ZNF512: variants seen among roughly 807,000 people sequenced by gnomAD.
ZNF512 encodes zinc finger protein 512.
Under a neutral mutation model 77.5 loss-of-function variants are expected in ZNF512, and 25 were observed. The ratio of observed to expected loss-of-function variants is 0.32; its 90% confidence interval spans 0.23 to 0.45. ZNF512 has a LOEUF of 0.45. Ranked by LOEUF, ZNF512 falls within the 20% of genes least tolerant of loss-of-function variation. The pLI is 1.00. For synonymous variants in ZNF512, 246 were observed against 239.9 expected, an observed-to-expected ratio of 1.03 and a Z score of -0.24; for missense variants, 483 against 692.6, an observed-to-expected ratio of 0.70 and a Z score of 3.40.
chr2:27,612,631 G>A (rs1024274365), intron 10 of ZNF512, among the ~76,000 whole-genome samples: 1 of 152,010 alleles, frequency 6.6e-6, no homozygotes, highest in African/African-American at 2.4e-5. Context: ...AGTGAGAAAC[G>A]TGGTTCTGAT....
chr2:27,615,967 T>TA (rs1035144833), intron 11 of ZNF512, among the ~76,000 whole-genome samples: 4 of 152,012 alleles, frequency 2.6e-5, no homozygotes, highest in Non-Finnish European at 4.4e-5. Flanking sequence ...AAGCAGATTT[T>TA]AAAAAAAACT....
At chr2:27,584,345 G>C (rs923276434) in intron 2 of ZNF512, among the ~76,000 whole-genome samples, 1 of 152,232 alleles carries the variant, frequency 6.6e-6, no homozygotes, top group Non-Finnish European at 1.5e-5. Context: ...CTACTTGTCT[G>C]TAAGACTGGT....
chr2:27,610,460 T>TTATATATGTGTATATGTGTATATA (rs1420302480), intron 10 of ZNF512, among the ~76,000 whole-genome samples: 5 of 138,010 alleles, frequency 3.6e-5, no homozygotes, highest in Admixed American at 7.2e-5. Context: ...ATCAAATAGG[T>TTATATATGTGTATATGTGTATATA]TATATATGTG....
chr2:27,598,493 G>C (rs574804896), intron 3 of ZNF512, among the ~76,000 whole-genome samples: 2 of 152,094 alleles, frequency 1.3e-5, no homozygotes, highest in Non-Finnish European at 2.9e-5. Context: ...GCGGGGCCTG[G>C]TGGTGGGCGC....
At chr2:27,603,389 T>G in intron 9 of ZNF512, 82 bp downstream of exon 9, 1 of 1,443,758 alleles carries the variant, frequency 6.9e-7, no homozygotes, top group East Asian at 2.3e-5. Context: ...CCATATGTGT[T>G]TGGTTCCTCA....
chr2:27,597,401 C>T (rs1671919735), intron 2 of ZNF512, among the ~76,000 whole-genome samples: 1 of 152,178 alleles, frequency 6.6e-6, no homozygotes, highest in Non-Finnish European at 1.5e-5. Flanking sequence ...GCATCTTGAG[C>T]CACCTAGAAG....
chr2:27,600,863 C>T (rs1421552312), intron 6 of ZNF512, 48 bp downstream of exon 6: 2 of 1,590,290 alleles, frequency 1.3e-6, no homozygotes, highest in African/African-American at 1.4e-5. Flanking sequence ...TTTACCCAAA[C>T]TTTAGACTTC....
intron 7 of ZNF512, among the ~76,000 whole-genome samples, chr2:27,602,219 T>C (rs1056459638): frequency 3.3e-5 from 5 of 152,158 alleles, no homozygotes; most frequent in Admixed American, 1.3e-4. Flanking sequence ...CCATAAATAT[T>C]TGTGTGTTTA....
chr2:27,607,884 A>C lies in ZNF512; in HGVS notation c.976A>C (p.Lys326Gln). 1 of 1,614,116 alleles carries C rather than the reference A, an allele frequency of 6.2e-7. No homozygotes were observed. Among genetic ancestry groups the C allele is most frequent in the Non-Finnish European group, 8.5e-7 (1 of 1,180,020 alleles). ...AGAGTCAGGACAGCCAGAGTGCTTA[A>C]AGGAGATGAACCTAGAGTCAAAGAG... is the stretch of plus-strand genomic sequence containing the variant. ...FPESGQPECL[K>Q]EMNLESKSGG... The change falls in exon 10 of 14, where the codon AAG becomes CAG. Residue 326 changes from lysine (K) to glutamine (Q), a missense_variant. By Grantham distance (53) the Lys-to-Gln change is moderately conservative. Coordinates refer to ENST00000355467, the MANE Select transcript of ZNF512 (RefSeq NM_032434.4).
At chr2:27,588,340 T>TA (rs920369704) in intron 2 of ZNF512, among the ~76,000 whole-genome samples, 28 of 151,886 alleles carry the variant, frequency 1.8e-4, no homozygotes, top group Non-Finnish European at 4.0e-4. Flanking sequence ...TAATAATAAT[T>TA]AAAAAAAAGA....
rs1277087189 is a variant in ZNF512 at position 27,607,972 on chromosome 2, C to G, written c.1064C>G (p.Ser355Cys). 6.2e-7 allele frequency: 1 copy of G among 1,612,538 alleles called. No individual in the cohort carries two copies. Among genetic ancestry groups the G allele is most frequent in the Non-Finnish European group, 8.5e-7 (1 of 1,179,420 alleles). Residue 355 changes from serine (S) to cysteine (C), a missense_variant, in exon 10 of 14, where the codon TCT (serine) becomes TGT (cysteine). This residue lies in a region of ZNF512 where 324 missense variants were observed against 525.0 expected (regional missense o/e 0.62). Coordinates refer to ENST00000355467, the MANE Select transcript of ZNF512 (RefSeq NM_032434.4). Reference sequence around the variant, plus strand: ...GTATACCACCTACAGGAGCTGGCCTCTGCTGAACTGGCCAAGGAATGGCCC... The same window carrying G: ...GTATACCACCTACAGGAGCTGGCCTGTGCTGAACTGGCCAAGGAATGGCCC... ...IAVYHLQELA[S>C]AELAKEWPKR...
At position 27,598,267 on chromosome 2, in the gene ZNF512, G is replaced by A. The variant is rs1671960331; in HGVS notation, c.277+13G>A. On this transcript the variant is annotated intron_variant, in intron 3 of 13. Coordinates refer to ENST00000355467, the MANE Select transcript of ZNF512 (RefSeq NM_032434.4). ...TCTCATGTCGAAGGTATCAATATCA[G>A]TGTCTTATTCTGAAGACGGGCCACT... 1 of 1,606,950 alleles carries A rather than the reference G, an allele frequency of 6.2e-7. No homozygotes were observed. Among genetic ancestry groups the A allele is most frequent in the African/African-American group, 1.3e-5 (1 of 74,812 alleles).
intron 2 of ZNF512, among the ~76,000 whole-genome samples, chr2:27,587,971 C>T (rs867905261): frequency 2.6e-5 from 4 of 151,334 alleles, no homozygotes; most frequent in Admixed American, 6.6e-5. Flanking sequence ...TGAGCCACCG[C>T]GCCCAGCCTT....
At chr2:27,608,138 C>G in intron 10 of ZNF512, 99 bp downstream of exon 10, 1 of 1,137,352 alleles carries the variant, frequency 8.8e-7, no homozygotes, top group Non-Finnish European at 1.2e-6. Flanking sequence ...ACGTGATAGG[C>G]AGTATTTTGT....
intron 9 of ZNF512, among the ~76,000 whole-genome samples, chr2:27,604,614 C>A (rs1453908597): frequency 2.0e-5 from 3 of 151,960 alleles, no homozygotes; most frequent in Non-Finnish European, 4.4e-5. Flanking sequence ...GACCCTGTCT[C>A]TACAAAAAAT....
chr2:27,588,297 C>A (rs1367584846), intron 2 of ZNF512, among the ~76,000 whole-genome samples: 1 of 151,950 alleles, frequency 6.6e-6, no homozygotes, highest in Non-Finnish European at 1.5e-5. Flanking sequence ...GCACTCCAGC[C>A]TGGGCGACAG....
chr2:27,599,928 C>G, intron 4 of ZNF512, 42 bp from the exon 5 acceptor site: 1 of 1,608,664 alleles, frequency 6.2e-7, no homozygotes, highest in Non-Finnish European at 8.5e-7. Flanking sequence ...TTGGTATTAG[C>G]AAGGGTGACA....
intron 2 of ZNF512, among the ~76,000 whole-genome samples, chr2:27,585,984 C>T (rs1383766012): frequency 6.6e-6 from 1 of 152,084 alleles, no homozygotes; most frequent in African/African-American, 2.4e-5. Context: ...AAAAATAAAA[C>T]ATGAGACCTG....
Position 27,593,249 on chromosome 2 carries a change from A to G in ZNF512, c.90-4818A>G, listed in dbSNP as rs1017481288. 1.2e-3 allele frequency among the ~76,000 whole-genome samples: 172 copies of G among 143,976 alleles called. 1 individual carries two copies. Among genetic ancestry groups the G allele is most frequent in the African/African-American group, 4.4e-3 (164 of 37,226 alleles). The allele number at this position is 143,976 out of a possible 152,430, so 94.5% of individuals were successfully genotyped here. ...ACACACACACACACACACACACAAA[A>G]GAATGAGCTGGGTACCGTGGCACAC... On this transcript the variant is annotated intron_variant, in intron 2 of 13. Coordinates refer to ENST00000355467, the MANE Select transcript of ZNF512 (RefSeq NM_032434.4).
Sources: allele counts gnomAD v4.1 joint callset (sites outside exome capture counted in the v4.1 genomes callset), GRCh38; gene constraint gnomAD v4.1.1; regional missense constraint gnomAD v4.1.1; transcripts MANE v1.5; gene names NCBI Gene and HGNC (gene_info 2026-07-23, HGNC 2026-07-21).